Variants in MEX3C observed in about 807,000 individuals in gnomAD.
The protein encoded by MEX3C is mex-3 RNA binding family member C, also known as RNA-binding E3 ubiquitin-protein ligase MEX3C.
MEX3C carries 15 observed loss-of-function variants against 35.5 expected under a neutral mutation model. The observed-to-expected ratio is 0.42, with a 90% CI of 0.28 to 0.65. The LOEUF is 0.65. Ranked by LOEUF, MEX3C falls within the 30% of genes least tolerant of loss-of-function variation. MEX3C has a pLI of 0.20. For missense variants in MEX3C, 711 were observed against 842.8 expected, an observed-to-expected ratio of 0.84 and a Z score of 1.94; for synonymous variants, 390 against 352.8, an observed-to-expected ratio of 1.11 and a Z score of -1.18.
At chr18:51,184,782 C>G (rs1912500639) in intron 1 of MEX3C, among the ~76,000 whole-genome samples, 1 of 151,802 alleles carries the variant, frequency 6.6e-6, no homozygotes, top group Admixed American at 6.6e-5. Flanking sequence ...TCACCTAAGC[C>G]TAGGATGTCA....
At chr18:51,191,739 A>C (rs1473768410) in intron 1 of MEX3C, among the ~76,000 whole-genome samples, 1 of 152,202 alleles carries the variant, frequency 6.6e-6, no homozygotes, top group Non-Finnish European at 1.5e-5. Flanking sequence ...GAGTCTCTAC[A>C]GGAATTGTAG....
At position 51,197,237 on chromosome 18, in the gene MEX3C, TGGCGGC is replaced by T. The variant is rs553955500; in HGVS notation, c.78_83del (p.Pro30_Pro31del). Reference sequence around the variant, plus strand: ...CCGAGGGCGGCGGCAGAGGCGGCGGTGGCGGCGGCGGCGGCGGGGGCGGCTGCGGCA... The same window carrying T: ...CCGAGGGCGGCGGCAGAGGCGGCGGTGGCGGCGGCGGGGGCGGCTGCGGCA... On this transcript the variant is annotated inframe_deletion, in exon 1 of 2. Transcript: ENST00000406189. The T allele has an allele frequency of 6.1e-6, 6 of 981,172 alleles. No homozygotes were observed. The highest frequency in any genetic ancestry group is 7.2e-6 in the Non-Finnish European group (6 of 827,844). 60.8% of individuals were successfully genotyped at this position (981,172 alleles called of 1,614,324 possible).
At chr18:51,179,016 C>T (rs7235103) in intron 1 of MEX3C, among the ~76,000 whole-genome samples, 148,464 of 149,124 alleles carry the variant, frequency 1, 73,903 homozygotes, top group Middle Eastern at 1. Flanking sequence ...TGCTTTTTTT[C>T]TTTTTGAGAC....
At chr18:51,193,120 T>C (rs1302499880) in intron 1 of MEX3C, 1 of 152,184 alleles carries the variant, frequency 6.6e-6, no homozygotes, top group Non-Finnish European at 1.5e-5. Flanking sequence ...TAATAAAGAA[T>C]TTTGTTTTAT....
Position 51,177,187 on chromosome 18 carries a change from G to A in MEX3C, c.1144C>T (p.Arg382Ter), listed in dbSNP as rs1202351093. ...EVTGMPENVD[R>*]AREEIEMHIA... ...TGCATTTCTATTTCTTCCCGTGCTC[G>A]GTCAACATTTTCAGGCATCCCTGTC... The change falls in exon 2 of 2, where the codon CGA becomes TGA. Residue 382 changes from arginine (R) to a stop codon, truncating the protein, a stop_gained. Transcript: ENST00000406189. LOFTEE classifies it high-confidence loss of function. This position sits in a 1 kb window ranked among gnomAD's most constrained non-coding sequence, Gnocchi z 4.2. The A allele has an allele frequency of 1.2e-6, 2 of 1,613,618 alleles. No individual in the cohort carries two copies. Among genetic ancestry groups the A allele is most frequent in the Non-Finnish European group, 8.5e-7 (1 of 1,179,868 alleles).
In MEX3C at chr18:51,197,636, C is replaced by G. The variant is rs1912857579; in HGVS notation, c.-316G>C. The stretch of plus-strand genomic sequence containing the variant: ...TTGTTTCATGGCCTTAACCAGCCCC[C>G]GGCGCGCGCGGCGGCGGCGGCTACG... On this transcript the variant is annotated 5_prime_UTR_variant, in exon 1 of 2. Coordinates refer to ENST00000406189, the MANE Select transcript of MEX3C (RefSeq NM_016626.5). Among the ~76,000 whole-genome samples, 1 of 151,544 alleles carries G rather than the reference C, an allele frequency of 6.6e-6. No homozygotes were observed. The highest frequency in any genetic ancestry group is 2.4e-5 in the African/African-American group (1 of 41,226).
At chr18:51,189,602 T>C (rs1912612125) in intron 1 of MEX3C, among the ~76,000 whole-genome samples, 1 of 152,152 alleles carries the variant, frequency 6.6e-6, no homozygotes, top group Admixed American at 6.5e-5. Flanking sequence ...TAATGAAAAG[T>C]TTTATTATTT....
chr18:51,194,814 AG>A (rs1178825221), intron 1 of MEX3C: 1 of 152,178 alleles, frequency 6.6e-6, no homozygotes, highest in Non-Finnish European at 1.5e-5. Context: ...TCCCCTTTAC[AG>A]ACCTCAAGTA....
chr18:51,185,429 T>C (rs1442666420), intron 1 of MEX3C, among the ~76,000 whole-genome samples: 1 of 152,190 alleles, frequency 6.6e-6, no homozygotes, highest in Non-Finnish European at 1.5e-5. Context: ...TATACCCAGA[T>C]GATCATCCAG....
chr18:51,189,313 T>C (rs568078434), intron 1 of MEX3C, among the ~76,000 whole-genome samples: 56 of 152,210 alleles, frequency 3.7e-4, no homozygotes, highest in African/African-American at 1.3e-3. Flanking sequence ...TGGACAAAAA[T>C]CAGAATATAA....
Position 51,196,952 on chromosome 18 carries a change from G to C in MEX3C, c.369C>G (p.Asp123Glu), listed in dbSNP as rs1220280357. 92 of 1,543,468 alleles carry C rather than the reference G, an allele frequency of 6.0e-5. No homozygotes were observed. Among genetic ancestry groups the C allele is most frequent in the Non-Finnish European group, 7.9e-5 (91 of 1,145,686 alleles). Residue 123 changes from aspartate to glutamate, a missense_variant, in exon 1 of 2, where the codon GAC becomes GAG. Physicochemically the swap from Asp to Glu is conservative, Grantham distance 45. Transcript: ENST00000406189. ...CCTCCAGCTCCTCCTCCTCCAGCAGGTCTCCGTCCAGCTCCGCTTCCTCCC... is the reference window on the plus strand; with the variant it reads ...CCTCCAGCTCCTCCTCCTCCAGCAGCTCTCCGTCCAGCTCCGCTTCCTCCC... Reference protein sequence around the residue: ...EEGEEAELDGDLLEEEELEEA... With the variant: ...EEGEEAELDGELLEEEELEEA...
At position 51,197,044 on chromosome 18, in the gene MEX3C, C is replaced by T; in HGVS notation, c.277G>A (p.Ala93Thr). The T allele has an allele frequency of 6.6e-7, 1 of 1,509,016 alleles. No individual in the cohort carries two copies. The highest frequency in any genetic ancestry group is 8.8e-7 in the Non-Finnish European group (1 of 1,135,042). The allele number at this position is 1,509,016 out of a possible 1,614,324, so 93.5% of individuals were successfully genotyped here. ...GGGGCCCCGGGCCGGCCGGGCGGAG[C>T]CCGCTCCTCTGGAGACAGCTCCGCC... The part of the protein sequence containing the change: ...RAAELSPEER[A>T]PPGRPGAPEA... The change falls in exon 1 of 2, where the codon GCT becomes ACT. Residue 93 changes from alanine (A) to threonine (T), a missense_variant. Physicochemically the swap from Ala to Thr is moderately conservative, Grantham distance 58. Around this residue, in one of 4 missense-constraint regions of MEX3C, gnomAD observed 354 missense variants for 311.6 expected, o/e 1.14. Coordinates refer to ENST00000406189, the MANE Select transcript of MEX3C (RefSeq NM_016626.5).
rs1281408244 is a variant in MEX3C at position 51,177,507 on chromosome 18, G to A, written c.824C>T (p.Pro275Leu). The stretch of plus-strand genomic sequence containing the variant: ...TTTCCTTCCAGTGACAACAAAAATG[G>A]GCTCTTCACCACGAACAGGAGTCTT... ...YIKTPVRGEEPIFVVTGRKED... is the reference protein window; with the variant it reads ...YIKTPVRGEELIFVVTGRKED... Residue 275 changes from proline to leucine, a missense_variant, in exon 2 of 2, where the codon CCC becomes CTC. Transcript: ENST00000406189. The surrounding 1 kb of genome is among the most constrained non-coding windows in gnomAD (Gnocchi z 4.2). 1 of 1,613,914 alleles carries A rather than the reference G, an allele frequency of 6.2e-7. No individual in the cohort carries two copies.
intron 1 of MEX3C, among the ~76,000 whole-genome samples, chr18:51,187,410 G>C (rs563009412): frequency 6.6e-6 from 1 of 152,232 alleles, no homozygotes; most frequent in African/African-American, 2.4e-5. Flanking sequence ...TGCAGGACTC[G>C]GAACCTGCTG....
chr18:51,195,524 C>T (rs181917217), intron 1 of MEX3C: 37 of 152,326 alleles, frequency 2.4e-4, no homozygotes, highest in Admixed American at 1.6e-3. Flanking sequence ...AGCGGCAGCG[C>T]CATCATCTCT....
At chr18:51,192,586 TA>T (rs1912675147) in intron 1 of MEX3C, among the ~76,000 whole-genome samples, 1 of 152,190 alleles carries the variant, frequency 6.6e-6, no homozygotes, top group Non-Finnish European at 1.5e-5. Flanking sequence ...AGTGGTATTT[TA>T]AATTATGCAT....
intron 1 of MEX3C, among the ~76,000 whole-genome samples, chr18:51,192,531 G>C (rs980955967): frequency 1.3e-5 from 2 of 152,116 alleles, no homozygotes; most frequent in Non-Finnish European, 2.9e-5. Flanking sequence ...TGTGCCTTGT[G>C]GGTAGTACAG....
chr18:51,196,288 T>C (rs537385891), intron 1 of MEX3C: 1 of 606,574 alleles, frequency 1.6e-6, no homozygotes, highest in East Asian at 3.7e-5. Flanking sequence ...CACGCCAGCC[T>C]GGTGTTCCAC....
At position 51,197,256 on chromosome 18, in the gene MEX3C, G is replaced by GGCGGCTGCGGCA. The variant is rs1912836009; in HGVS notation, c.53_64dup (p.Leu18_Pro21dup). 3 of 951,592 alleles carry GGCGGCTGCGGCA rather than the reference G, an allele frequency of 3.2e-6. No individual in the cohort carries two copies. The highest frequency in any genetic ancestry group is 3.7e-6 in the Non-Finnish European group (3 of 801,430). 58.9% of individuals were successfully genotyped at this position (951,592 alleles called of 1,614,324 possible). A position where few individuals can be genotyped will look rare whatever the true frequency, so the allele number is the denominator to read the frequency against. On this transcript the variant is annotated inframe_insertion, in exon 1 of 2. Transcript: ENST00000406189. The stretch of plus-strand genomic sequence containing the variant: ...CGGCGGTGGCGGCGGCGGCGGCGGG[G>GGCGGCTGCGGCA]GCGGCTGCGGCAGGGGGGCCGGGGC...
Sources: allele counts gnomAD v4.1 joint callset (sites outside exome capture counted in the v4.1 genomes callset), GRCh38; gene constraint gnomAD v4.1.1; regional missense constraint gnomAD v4.1.1; non-coding constraint Gnocchi (gnomAD v3.1); transcripts MANE v1.5; gene names NCBI Gene and HGNC (gene_info 2026-07-23, HGNC 2026-07-21).